TMEM132C: variants seen among roughly 807,000 people sequenced by gnomAD.
The protein encoded by TMEM132C is transmembrane protein 132C, also known as protein phosphatase 1, regulatory subunit 152.
In TMEM132C, 29 loss-of-function variants were observed where a neutral mutation model predicts 61.4. The ratio of observed to expected loss-of-function variants is 0.47; its 90% CI spans 0.35 to 0.64. The LOEUF is 0.64. TMEM132C is among the 30% of genes least tolerant of loss of function. The pLI, the probability that TMEM132C is intolerant of heterozygous loss-of-function variation, is 0.00. For synonymous variants in TMEM132C, 656 were observed against 633.1 expected, an observed-to-expected ratio of 1.04 and a Z score of -0.54; for missense variants, 1,408 against 1,476.9, an observed-to-expected ratio of 0.95 and a Z score of 0.76.
At chr12:128,455,891 G>A (rs1420129250) in intron 2 of TMEM132C, among the ~76,000 whole-genome samples, 2 of 152,204 alleles carry the variant, frequency 1.3e-5, no homozygotes, top group African/African-American at 4.8e-5. Flanking sequence ...GAAGTTCACT[G>A]CAGCATGGAT....
intron 2 of TMEM132C, among the ~76,000 whole-genome samples, chr12:128,452,694 A>C (rs1593058740): frequency 6.6e-6 from 1 of 151,200 alleles, no homozygotes; most frequent in Non-Finnish European, 1.5e-5. Context: ...ACAGAGTGAG[A>C]CTCCATCTCA....
chr12:128,543,925 T>G (rs759942394), intron 2 of TMEM132C, 32 bp from the exon 3 acceptor site: 1 of 1,484,880 alleles, frequency 6.7e-7, no homozygotes, highest in Admixed American at 2.3e-5. Context: ...CTTAACCCTG[T>G]CTCTCTCTCT....
intron 1 of TMEM132C, among the ~76,000 whole-genome samples, chr12:128,406,178 C>A (rs141678852): frequency 1.3e-5 from 2 of 152,194 alleles, no homozygotes; most frequent in Non-Finnish European, 2.9e-5. Context: ...TCCTACCACA[C>A]GTGAGAAGTT....
At chr12:128,513,384 G>A (rs1447529643) in intron 2 of TMEM132C, among the ~76,000 whole-genome samples, 1 of 152,150 alleles carries the variant, frequency 6.6e-6, no homozygotes, top group African/African-American at 2.4e-5. Flanking sequence ...AATATGCCGA[G>A]ATATAATCTC....
chr12:128,667,943 G>C (rs1376176119), intron 4 of TMEM132C, among the ~76,000 whole-genome samples: 2 of 152,208 alleles, frequency 1.3e-5, no homozygotes, highest in South Asian at 2.1e-4. Flanking sequence ...GAGCAACAGA[G>C]GAAGGCACTT....
chr12:128,680,592 T>C (rs1028566170), intron 5 of TMEM132C, among the ~76,000 whole-genome samples: 1 of 152,222 alleles, frequency 6.6e-6, no homozygotes, highest in Non-Finnish European at 1.5e-5. Flanking sequence ...TCTACCACAC[T>C]GGACAGCACA....
At chr12:128,622,526 G>A (rs1393865223) in intron 4 of TMEM132C, among the ~76,000 whole-genome samples, 1 of 151,042 alleles carries the variant, frequency 6.6e-6, no homozygotes, top group Non-Finnish European at 1.5e-5. Context: ...CCCACCTGGG[G>A]GCATCCTGTG....
At chr12:128,453,936 C>T (rs1452354629) in intron 2 of TMEM132C, among the ~76,000 whole-genome samples, 2 of 152,192 alleles carry the variant, frequency 1.3e-5, no homozygotes, top group African/African-American at 4.8e-5. Context: ...GGAGAGACAG[C>T]TGTGACACGT....
intron 4 of TMEM132C, among the ~76,000 whole-genome samples, chr12:128,666,048 C>A: frequency 7.2e-6 from 1 of 138,428 alleles, no homozygotes; most frequent in Non-Finnish European, 1.5e-5. Flanking sequence ...CACTCATACA[C>A]AAACACAGGC....
intron 2 of TMEM132C, among the ~76,000 whole-genome samples, chr12:128,460,342 G>T (rs1250337993): frequency 5.3e-5 from 8 of 152,116 alleles, no homozygotes; most frequent in Non-Finnish European, 2.9e-5. Context: ...TTCTCAGGCA[G>T]CCTCTCCTCA....
intron 3 of TMEM132C, among the ~76,000 whole-genome samples, chr12:128,553,478 C>T (rs1267843803): frequency 1.3e-5 from 2 of 152,202 alleles, no homozygotes; most frequent in Non-Finnish European, 2.9e-5. Context: ...TGAGATCAGT[C>T]TGTAATATGT....
chr12:128,541,106 T>C (rs1873731575), intron 2 of TMEM132C, among the ~76,000 whole-genome samples: 1 of 152,164 alleles, frequency 6.6e-6, no homozygotes, highest in Non-Finnish European at 1.5e-5. Context: ...CAGGTTTGAT[T>C]AATTTCCTAG....
At chr12:128,456,327 A>C (rs529903164) in intron 2 of TMEM132C, among the ~76,000 whole-genome samples, 15 of 117,738 alleles carry the variant, frequency 1.3e-4, no homozygotes, top group African/African-American at 4.9e-4. Flanking sequence ...AATTTACTAC[A>C]TTAAATTGCA....
chr12:128,476,864 G>A (rs1871170458), intron 2 of TMEM132C, among the ~76,000 whole-genome samples: 1 of 152,166 alleles, frequency 6.6e-6, no homozygotes, highest in Non-Finnish European at 1.5e-5. Flanking sequence ...CCCTAAGCAA[G>A]GAATTTTATT....
At chr12:128,532,865 T>C (rs1343967492) in intron 2 of TMEM132C, among the ~76,000 whole-genome samples, 1 of 152,026 alleles carries the variant, frequency 6.6e-6, no homozygotes, top group Admixed American at 6.5e-5. Flanking sequence ...GATGAGACGA[T>C]GAAAGCAGCA....
intron 1 of TMEM132C, among the ~76,000 whole-genome samples, chr12:128,363,727 C>T (rs1278017102): frequency 6.6e-6 from 1 of 151,926 alleles, no homozygotes; most frequent in Non-Finnish European, 1.5e-5. Flanking sequence ...TGCCTGTAGT[C>T]CCAGCTACTC....
intron 1 of TMEM132C, among the ~76,000 whole-genome samples, chr12:128,409,836 A>G (rs990125712): frequency 3.3e-5 from 5 of 152,200 alleles, no homozygotes; most frequent in Admixed American, 3.3e-4. Context: ...TCATTCTGCT[A>G]ACTCATTTTA....
At chr12:128,267,538 T>G in intron 1 of TMEM132C, 51 bp downstream of exon 1, 1 of 1,211,314 alleles carries the variant, frequency 8.3e-7, no homozygotes, top group Admixed American at 4.4e-5. Context: ...ACTTCCCGGT[T>G]CCGGGGGAGC....
intron 5 of TMEM132C, among the ~76,000 whole-genome samples, chr12:128,675,779 A>G (rs1298187741): frequency 6.6e-6 from 1 of 152,072 alleles, no homozygotes; most frequent in Non-Finnish European, 1.5e-5. Flanking sequence ...GATTATTGGT[A>G]GGTAATAGGT....
Sources: allele counts gnomAD v4.1 joint callset (sites outside exome capture counted in the v4.1 genomes callset), GRCh38; gene constraint gnomAD v4.1.1; transcripts MANE v1.5; gene names NCBI Gene and HGNC (gene_info 2026-07-23, HGNC 2026-07-21).